CYP2C18: variants seen among roughly 807,000 people sequenced by gnomAD.
The protein encoded by CYP2C18 is cytochrome P450 family 2 subfamily C member 18.
In CYP2C18, 38 loss-of-function variants were observed where a neutral mutation model predicts 41.3. The ratio of observed to expected loss-of-function variants is 0.92; its 90% CI spans 0.71 to 1.21. The LOEUF (loss-of-function observed/expected upper bound fraction) is 1.21. CYP2C18 is among the 50% of genes most tolerant of loss of function. The pLI, the probability that CYP2C18 is intolerant of heterozygous loss-of-function variation, is 0.00. For synonymous variants in CYP2C18, 236 were observed against 210.0 expected, an observed-to-expected ratio of 1.12 and a Z score of -1.07; for missense variants, 635 against 591.4, an observed-to-expected ratio of 1.07 and a Z score of -0.77.
chr10:94,692,412 C>A (rs901521565), intron 3 of CYP2C18, among the ~76,000 whole-genome samples: 8 of 1,742 alleles, frequency 4.6e-3, no homozygotes, highest in Admixed American at 0.015. Flanking sequence ...GCCAAAAACA[C>A]ATGAAAAATG....
At position 94,702,253 on chromosome 10, in the gene CYP2C18, G is replaced by A. The variant is rs1025760818; in HGVS notation, c.643-4531G>A. Among the ~76,000 whole-genome samples, 74 of 152,112 alleles carry A rather than the reference G, an allele frequency of 4.9e-4. 1 individual carries two copies. Among genetic ancestry groups the A allele is most frequent in the South Asian group, 2.1e-4 (1 of 4,826 alleles). On this transcript the variant is annotated intron_variant, in intron 4 of 8. Transcript: ENST00000285979. ...CGAGGAGTATCTTTGTGATGTTCCT[G>A]TATTTCCTGAATTTGAATGTTGGCC...
rs79389349 is a variant in CYP2C18 at position 94,686,497 on chromosome 10, T to C, written c.169-1273T>C. Among the ~76,000 whole-genome samples, 1,364 of 152,302 alleles carry C rather than the reference T, an allele frequency of 9.0e-3. 22 individuals carry two copies. The highest frequency in any genetic ancestry group is 0.03 in the African/African-American group (1,238 of 41,576). ...GGGCATTCTTCTCTTATTTCTGATC[T>C]TAGAGGAAAAGCTTTTAGCTTTTCA... On this transcript the variant is annotated intron_variant, in intron 1 of 8. Transcript: ENST00000285979.
intron 4 of CYP2C18, among the ~76,000 whole-genome samples, chr10:94,703,781 T>C (rs1847286709): frequency 6.6e-6 from 1 of 152,110 alleles, no homozygotes; most frequent in African/African-American, 2.4e-5. Context: ...CACTGGGGTA[T>C]GAAAAAAAGA....
At chr10:94,734,999 G>A (rs923754101) in intron 8 of CYP2C18, among the ~76,000 whole-genome samples, 12 of 152,130 alleles carry the variant, frequency 7.9e-5, no homozygotes, top group East Asian at 1.9e-4. Context: ...CAGTTATAAC[G>A]TGGGAACACT....
At chr10:94,695,823 C>T (rs1564639183) in intron 4 of CYP2C18, among the ~76,000 whole-genome samples, 1 of 152,136 alleles carries the variant, frequency 6.6e-6, no homozygotes, top group African/African-American at 2.4e-5. Context: ...AAATGGCACA[C>T]CAGGAGATTA....
chr10:94,698,711 C>T (rs1160525487), intron 4 of CYP2C18, among the ~76,000 whole-genome samples: 2 of 151,618 alleles, frequency 1.3e-5, no homozygotes, highest in African/African-American at 4.8e-5. Flanking sequence ...TTTAAAAGAT[C>T]AACAAAATTG....
At chr10:94,734,900 A>T (rs528564113) in intron 8 of CYP2C18, among the ~76,000 whole-genome samples, 101 of 152,312 alleles carry the variant, frequency 6.6e-4, no homozygotes, top group African/African-American at 2.4e-3. Flanking sequence ...AAAGGGGAAC[A>T]CACTATATGA....
intron 4 of CYP2C18, among the ~76,000 whole-genome samples, chr10:94,695,489 G>C (rs1282791668): frequency 1.3e-5 from 2 of 152,134 alleles, no homozygotes; most frequent in African/African-American, 2.4e-5. Flanking sequence ...GCATTTGCTT[G>C]TCTGTAAAGG....
chr10:94,695,050 C>G lies in CYP2C18; in HGVS notation c.615C>G (p.Leu205=). ...LNLMEKFNEN[L]RILSSPWIQV... ...TGATGGAAAAATTCAATGAAAACCTCAGGATTCTGAGCTCTCCATGGATCC... is the reference window on the plus strand; with the variant it reads ...TGATGGAAAAATTCAATGAAAACCTGAGGATTCTGAGCTCTCCATGGATCC... The change falls in exon 4 of 9, where the codon CTC becomes CTG. Residue 205 remains leucine (L), a synonymous_variant. Coordinates refer to ENST00000285979, the MANE Select transcript of CYP2C18 (RefSeq NM_000772.3). The G allele has an allele frequency of 6.2e-7, 1 of 1,612,768 alleles. No homozygotes were observed. The highest frequency in any genetic ancestry group is 8.5e-7 in the Non-Finnish European group (1 of 1,179,776).
chr10:94,688,332 T>G, intron 3 of CYP2C18, 58 bp downstream of exon 3: 2 of 1,536,324 alleles, frequency 1.3e-6, no homozygotes, highest in South Asian at 2.5e-5. Context: ...TAATTTATTT[T>G]TAGATTGATA....
intron 5 of CYP2C18, among the ~76,000 whole-genome samples, chr10:94,717,194 A>G (rs1847564689): frequency 6.6e-6 from 1 of 152,088 alleles, no homozygotes; most frequent in Non-Finnish European, 1.5e-5. Context: ...TAAGGTTAAT[A>G]TTGTTATGTG....
At chr10:94,695,971 A>G (rs1847109963) in intron 4 of CYP2C18, among the ~76,000 whole-genome samples, 1 of 152,142 alleles carries the variant, frequency 6.6e-6, no homozygotes, top group Admixed American at 6.5e-5. Flanking sequence ...GAGTAGGTAA[A>G]CAAAGTGGCC....
intron 4 of CYP2C18, among the ~76,000 whole-genome samples, chr10:94,702,019 C>A (rs1472167212): frequency 6.6e-6 from 1 of 152,104 alleles, no homozygotes; most frequent in Non-Finnish European, 1.5e-5. Context: ...AAAAGAAATT[C>A]TTGGTTGAAA....
chr10:94,702,596 G>C (rs964117288), intron 4 of CYP2C18, among the ~76,000 whole-genome samples: 1 of 151,890 alleles, frequency 6.6e-6, no homozygotes, highest in Non-Finnish European at 1.5e-5. Context: ...GGTCATTTAT[G>C]TTCTTCTTGA....
intron 3 of CYP2C18, among the ~76,000 whole-genome samples, chr10:94,691,377 T>G (rs2134177013): frequency 6.6e-6 from 1 of 152,216 alleles, no homozygotes; most frequent in African/African-American, 2.4e-5. Context: ...TATACACCAA[T>G]AGCAGACAAA....
Position 94,687,825 on chromosome 10 carries a change from T to G in CYP2C18, c.224T>G (p.Val75Gly), listed in dbSNP as rs759747828. The G allele has an allele frequency of 1.2e-6, 2 of 1,613,668 alleles. No homozygotes were observed. The highest frequency in any genetic ancestry group is 4.5e-5 in the East Asian group (2 of 44,892). The stretch of plus-strand genomic sequence containing the variant: ...GTGTATTTTGGCCTGAAGCCCATTG[T>G]GGTGTTGCATGGATATGAAGCAGTG... ...FTVYFGLKPI[V>G]VLHGYEAVKE... Residue 75 changes from valine (V) to glycine (G), a missense_variant, in exon 2 of 9, where the codon GTG becomes GGG. Val to Gly is a moderately radical substitution (Grantham distance 109). Coordinates refer to ENST00000285979, the MANE Select transcript of CYP2C18 (RefSeq NM_000772.3).
At chr10:94,712,875 C>A (rs1847463610) in intron 5 of CYP2C18, among the ~76,000 whole-genome samples, 1 of 152,102 alleles carries the variant, frequency 6.6e-6, no homozygotes, top group Non-Finnish European at 1.5e-5. Flanking sequence ...TGATAATAGC[C>A]ATTCTAACAG....
chr10:94,683,850 C>T lies in CYP2C18; in HGVS notation c.31C>T (p.Leu11Phe). ...TCCAGCTGTGGCTCTGGTGCTCTGT[C>T]TCTCCTGTTTGTTTCTCCTTTCACT... is the stretch of plus-strand genomic sequence containing the variant. MDPAVALVLCLSCLFLLSLWR... is the reference protein window; with the variant it reads MDPAVALVLCFSCLFLLSLWR... Residue 11 changes from leucine (L) to phenylalanine (F), a missense_variant, in exon 1 of 9, where the codon CTC (leucine) becomes TTC (phenylalanine). Leu to Phe is a conservative substitution (Grantham distance 22, BLOSUM62 0). Coordinates refer to ENST00000285979, the MANE Select transcript of CYP2C18 (RefSeq NM_000772.3). The T allele has an allele frequency of 1.2e-6, 2 of 1,608,868 alleles. No homozygotes were observed. Among genetic ancestry groups the T allele is most frequent in the South Asian group, 1.1e-5 (1 of 89,550 alleles).
chr10:94,735,185 A>C, intron 8 of CYP2C18, 78 bp from the exon 9 acceptor site: 1 of 1,397,832 alleles, frequency 7.2e-7, no homozygotes, highest in Non-Finnish European at 1.0e-6. Context: ...TCATTTATCA[A>C]ATAGTTACTG....
Sources: gnomAD v4.1 joint callset for allele counts (sites outside exome capture counted in the v4.1 genomes callset) on GRCh38, gnomAD v4.1.1 for gene constraint, MANE v1.5 for transcripts, NCBI Gene and HGNC (gene_info 2026-07-23, HGNC 2026-07-21) for gene names.